Variants in RARB observed in about 807,000 individuals in gnomAD.
The protein encoded by RARB is HBV-activated protein.
Under a neutral mutation model 51.9 loss-of-function variants are expected in RARB, and 17 were observed. The observed-to-expected ratio is 0.33, with a 90% confidence interval of 0.22 to 0.49. RARB has a LOEUF of 0.49. Among genes scored for constraint, RARB ranks in the 20% least tolerant of loss-of-function variants. The pLI is 0.99. For missense variants in RARB, 369 were observed against 550.8 expected (o/e 0.67, Z 3.30); for synonymous variants, 215 against 195.4 (o/e 1.10, Z -0.84).
chr3:24,983,815 G>C (rs942917443), intron 2 of RARB, among the ~76,000 whole-genome samples: 2 of 151,828 alleles, frequency 1.3e-5, no homozygotes, highest in Non-Finnish European at 2.9e-5. Flanking sequence ...TTAAATGCAG[G>C]GGGGAGAGGG....
intron 3 of RARB, among the ~76,000 whole-genome samples, chr3:25,503,951 G>A (rs575580305): frequency 1.5e-3 from 224 of 152,298 alleles, no homozygotes; most frequent in Non-Finnish European, 2.7e-3. Context: ...CCAACTGGCT[G>A]AAGACATAAC....
chr3:25,226,058 T>G (rs1326236488), intron 5 of RARB, among the ~76,000 whole-genome samples: 1 of 152,234 alleles, frequency 6.6e-6, no homozygotes, highest in Non-Finnish European at 1.5e-5. Flanking sequence ...CCGTAGCCTT[T>G]TTAAGCAAAC....
intron 3 of RARB, among the ~76,000 whole-genome samples, chr3:25,071,067 A>G (rs1012871704): frequency 6.6e-6 from 1 of 152,212 alleles, no homozygotes; most frequent in African/African-American, 2.4e-5. Flanking sequence ...AAATGGAGAC[A>G]CTAAAATGTA....
chr3:25,104,498 G>C (rs1031218669), intron 3 of RARB, among the ~76,000 whole-genome samples: 10 of 152,060 alleles, frequency 6.6e-5, no homozygotes, highest in Non-Finnish European at 1.5e-4. Context: ...TAAAAATTTA[G>C]CTTGGCATAG....
At chr3:24,952,724 C>G (rs1297703906) in intron 2 of RARB, among the ~76,000 whole-genome samples, 1 of 151,900 alleles carries the variant, frequency 6.6e-6, no homozygotes, top group Non-Finnish European at 1.5e-5. Context: ...CCCCCATTAT[C>G]TCCTGTCACC....
chr3:25,005,106 G>A (rs1697243716), intron 2 of RARB, among the ~76,000 whole-genome samples: 1 of 152,106 alleles, frequency 6.6e-6, no homozygotes, highest in Non-Finnish European at 1.5e-5. Context: ...CATACATATA[G>A]AAGTATGTTT....
intron 1 of RARB, among the ~76,000 whole-genome samples, chr3:25,439,675 G>T (rs1369036590): frequency 6.6e-6 from 1 of 152,128 alleles, no homozygotes; most frequent in Admixed American, 6.5e-5. Flanking sequence ...TGGAATTACA[G>T]GTGTGAGCCA....
chr3:25,055,605 T>C (rs946390107), intron 2 of RARB, among the ~76,000 whole-genome samples: 2 of 152,046 alleles, frequency 1.3e-5, no homozygotes, highest in African/African-American at 4.8e-5. Flanking sequence ...CTCCAGAAAA[T>C]AGATCTTGTG....
intron 3 of RARB, among the ~76,000 whole-genome samples, chr3:25,107,185 GCCACTGCAC>G (rs750401702): frequency 1.3e-5 from 2 of 152,196 alleles, no homozygotes; most frequent in Non-Finnish European, 2.9e-5. Context: ...ACAGGCATTA[GCCACTGCAC>G]CCAGCCCCTT....
intron 4 of RARB, among the ~76,000 whole-genome samples, chr3:25,168,068 A>G (rs1236446809): frequency 2.0e-5 from 3 of 152,240 alleles, no homozygotes; most frequent in Non-Finnish European, 4.4e-5. Flanking sequence ...CCTCTTTATA[A>G]TATGAATGGA....
At chr3:24,845,136 A>G (rs1275570131) in intron 1 of RARB, among the ~76,000 whole-genome samples, 2 of 152,182 alleles carry the variant, frequency 1.3e-5, no homozygotes, top group East Asian at 1.9e-4. Context: ...TCCTCTTCTA[A>G]CCTAGGTGGA....
chr3:25,050,613 C>G (rs1404063699), intron 2 of RARB, among the ~76,000 whole-genome samples: 1 of 152,136 alleles, frequency 6.6e-6, no homozygotes, highest in South Asian at 2.1e-4. Context: ...AGCTTTTTAG[C>G]AAGTTTCTTG....
chr3:25,069,012 T>G (rs913435906), intron 3 of RARB, among the ~76,000 whole-genome samples: 1 of 147,944 alleles, frequency 6.8e-6, no homozygotes, highest in Non-Finnish European at 1.5e-5. Context: ...AATCTTCCTC[T>G]GAAAAAAAAA....
At chr3:25,306,794 T>C (rs1388334870) in intron 5 of RARB, among the ~76,000 whole-genome samples, 3 of 152,240 alleles carry the variant, frequency 2.0e-5, no homozygotes, top group Non-Finnish European at 4.4e-5. Context: ...TAATAATGCC[T>C]GATTATGAGC....
At chr3:24,958,267 T>A (rs999962059) in intron 2 of RARB, among the ~76,000 whole-genome samples, 1 of 121,626 alleles carries the variant, frequency 8.2e-6, no homozygotes, top group African/African-American at 4.1e-5. Flanking sequence ...TTTTTTTTTT[T>A]TTTTTTTTTT....
At chr3:25,170,311 T>G (rs554566628) in intron 4 of RARB, among the ~76,000 whole-genome samples, 141 of 152,312 alleles carry the variant, frequency 9.3e-4, no homozygotes, top group African/African-American at 3.3e-3. Flanking sequence ...TCTGGCTCTT[T>G]ACAGAAGAAA....
chr3:25,372,110 G>A (rs960617579), intron 5 of RARB, among the ~76,000 whole-genome samples: 3 of 152,222 alleles, frequency 2.0e-5, no homozygotes, highest in Admixed American at 6.5e-5. Context: ...TTGTAGGCCA[G>A]GATAAAAAGT....
At chr3:24,888,786 G>T (rs1703315464) in intron 2 of RARB, among the ~76,000 whole-genome samples, 1 of 152,130 alleles carries the variant, frequency 6.6e-6, no homozygotes, top group African/African-American at 2.4e-5. Flanking sequence ...AGTGAGAGGT[G>T]CCCATATTCT....
chr3:24,897,079 A>T (rs892083231), intron 2 of RARB, among the ~76,000 whole-genome samples: 1 of 152,206 alleles, frequency 6.6e-6, no homozygotes, highest in Non-Finnish European at 1.5e-5. Context: ...TCTGACACTT[A>T]TGTCTAAATT....
Sources: gnomAD v4.1 joint callset for allele counts (sites outside exome capture counted in the v4.1 genomes callset) on GRCh38, gnomAD v4.1.1 for gene constraint, MANE v1.5 for transcripts, NCBI Gene and HGNC (gene_info 2026-07-23, HGNC 2026-07-21) for gene names.